The following NPHP4 variants were observed in gnomAD, a reference collection of about 807,000 sequenced individuals.
The protein encoded by NPHP4 is nephrocystin-4.
A neutral mutation model predicts 155.8 loss-of-function variants in NPHP4; 151 were observed. That is an observed-to-expected ratio of 0.97 (90% CI 0.85 to 1.11). NPHP4 has a LOEUF of 1.11. NPHP4 is among the 50% of genes least tolerant of loss of function. The pLI is 0.00. For missense variants in NPHP4, 1,956 were observed against 1,925.7 expected, an observed-to-expected ratio of 1.02 and a Z score of -0.29; for synonymous variants, 845 against 816.8, an observed-to-expected ratio of 1.03 and a Z score of -0.59.
intron 10 of NPHP4, among the ~76,000 whole-genome samples, chr1:5,931,341 T>C (rs561978705): frequency 1.3e-5 from 2 of 151,118 alleles, no homozygotes; most frequent in Non-Finnish European, 2.9e-5. Flanking sequence ...GGTTTCCCAG[T>C]GCATTTAAAA....
chr1:5,866,958 C>CCCT (rs1641294471), intron 25 of NPHP4, 72 bp downstream of exon 25: 9 of 1,157,524 alleles, frequency 7.8e-6, no homozygotes, highest in Admixed American at 1.9e-5. Context: ...CCAGGATACC[C>CCCT]GTGGGGAAGC....
chr1:5,987,211 C>G (rs1655622257), intron 1 of NPHP4, among the ~76,000 whole-genome samples: 1 of 152,104 alleles, frequency 6.6e-6, no homozygotes, highest in African/African-American at 2.4e-5. Flanking sequence ...TTATCTGATC[C>G]TGTCCAGCCA....
chr1:5,865,071 A>G, intron 27 of NPHP4, 31 bp downstream of exon 27: 1 of 1,602,698 alleles, frequency 6.2e-7, no homozygotes, highest in South Asian at 1.1e-5. Flanking sequence ...GGTTGGGGAG[A>G]GGCTCAGAAC....
intron 17 of NPHP4, 26 bp from the exon 18 acceptor site, chr1:5,887,492 A>T (rs1377345395): frequency 6.2e-7 from 1 of 1,609,736 alleles, no homozygotes; most frequent in Admixed American, 1.7e-5. Context: ...GCGCGTTCAG[A>T]GGCTGGAGCC....
At chr1:5,886,187 G>T (rs1643784883) in intron 18 of NPHP4, among the ~76,000 whole-genome samples, 1 of 152,212 alleles carries the variant, frequency 6.6e-6, no homozygotes, top group Non-Finnish European at 1.5e-5. Context: ...TTTGAATAAT[G>T]CCTGCTCCTC....
At chr1:5,880,748 G>T (rs1205448753) in intron 18 of NPHP4, 1 of 165,640 alleles carries the variant, frequency 6.0e-6, no homozygotes, top group Admixed American at 5.7e-5. Flanking sequence ...GTGGCCTCGG[G>T]ACAAGCGTGT....
chr1:5,881,945 G>A (rs1042006414), intron 18 of NPHP4: 6 of 152,392 alleles, frequency 3.9e-5, no homozygotes, highest in Middle Eastern at 6.8e-3. Context: ...GTCTGCGCAC[G>A]AGCACAAATG....
At chr1:5,961,977 CT>C in intron 5 of NPHP4, 28 bp from the exon 6 acceptor site, 1 of 1,573,852 alleles carries the variant, frequency 6.4e-7, no homozygotes, top group South Asian at 1.1e-5. Flanking sequence ...ATGTGATCAA[CT>C]GATAGCTGAA....
At chr1:5,967,173 T>C in intron 5 of NPHP4, 126 bp downstream of exon 5, 1 of 749,746 alleles carries the variant, frequency 1.3e-6, no homozygotes, top group Non-Finnish European at 2.2e-6. Flanking sequence ...CCAAAACCTC[T>C]TAGATAAATT....
rs753550090 is a variant in NPHP4, at chr1:5,909,239, A to G, written c.1442-26T>C. On this transcript the variant is annotated intron_variant, in intron 11 of 29. Transcript: ENST00000378156. Reference sequence around the variant, plus strand: ...CTGGGAGGAAGCACAGTGGGGTAGGAGAGGGAATGTGTCAGCCTGTGTTGG... The same window carrying G: ...CTGGGAGGAAGCACAGTGGGGTAGGGGAGGGAATGTGTCAGCCTGTGTTGG... The G allele has an allele frequency of 2.7e-5, 43 of 1,584,496 alleles. No homozygotes were observed. The South Asian group carries it at 4.0e-4, about 15-fold the overall frequency.
rs902906469 is a variant in NPHP4 at position 5,944,781 on chromosome 1, C to T, written c.1119+2323G>A. On this transcript the variant is annotated intron_variant, in intron 9 of 29. Coordinates refer to ENST00000378156, the MANE Select transcript of NPHP4 (RefSeq NM_015102.5). The surrounding 1 kb of genome is among the most constrained non-coding windows in gnomAD (Gnocchi z 4.3). ...GGTCAGAAGTCTGAGACCTGCCTGG[C>T]CAACGTGGGAAAACCCCGTCTCTAT... Among the ~76,000 whole-genome samples the T allele has an allele frequency of 2.6e-5, 4 of 152,156 alleles. No homozygotes were observed. The highest frequency in any genetic ancestry group is 5.9e-5 in the Non-Finnish European group (4 of 68,028).
intron 2 of NPHP4, among the ~76,000 whole-genome samples, chr1:5,979,823 T>C (rs878945498): frequency 1.3e-5 from 2 of 152,104 alleles, no homozygotes; most frequent in Admixed American, 1.3e-4. Context: ...CTGTATTTTC[T>C]AATTTTCTGT....
At chr1:5,942,141 G>A (rs748928693) in intron 9 of NPHP4, among the ~76,000 whole-genome samples, 1 of 152,138 alleles carries the variant, frequency 6.6e-6, no homozygotes, top group Admixed American at 6.5e-5. Context: ...ACTGCCCCTT[G>A]CTCACACGGA....
chr1:5,880,182 C>T lies in NPHP4; in HGVS notation c.2543G>A (p.Arg848Gln), dbSNP rs398124288. 130 of 1,613,694 alleles carry T rather than the reference C, an allele frequency of 8.1e-5. No individual in the cohort carries two copies. Among genetic ancestry groups the T allele is most frequent in the Admixed American group, 6.8e-4 (41 of 59,992 alleles). Residue 848 changes from arginine (R) to glutamine (Q), a missense_variant, in exon 19 of 30, where the codon CGG becomes CAG. Arg to Gln is a conservative substitution (Grantham distance 43). Coordinates refer to ENST00000378156, the MANE Select transcript of NPHP4 (RefSeq NM_015102.5). Reference sequence around the variant, plus strand: ...GCTGGCTCCATCGTTTGAGATGACCCGAGATCTGGACGGTGGCAATGTGCT... The same window carrying T: ...GCTGGCTCCATCGTTTGAGATGACCTGAGATCTGGACGGTGGCAATGTGCT... Reference protein sequence around the residue: ...GCSTLPPSRSRVISNDGASRF... With the variant: ...GCSTLPPSRSQVISNDGASRF...
At chr1:5,875,565 G>A (rs1642506540) in intron 20 of NPHP4, among the ~76,000 whole-genome samples, 1 of 152,254 alleles carries the variant, frequency 6.6e-6, no homozygotes, top group Non-Finnish European at 1.5e-5. Flanking sequence ...CACCGGGTCA[G>A]AGTCCAGGCA....
intron 18 of NPHP4, 185 bp from the exon 19 acceptor site, chr1:5,880,424 C>T (rs148254344): frequency 5.2e-5 from 31 of 592,568 alleles, no homozygotes; most frequent in Non-Finnish European, 7.1e-5. Context: ...CGTTCTGCTG[C>T]GAACTTTCAG....
chr1:5,960,804 C>G (rs1650177114), intron 6 of NPHP4, among the ~76,000 whole-genome samples: 1 of 152,010 alleles, frequency 6.6e-6, no homozygotes, highest in South Asian at 2.1e-4. Flanking sequence ...TGGGGTCGAC[C>G]CAATTCCACC....
chr1:5,877,297 T>C lies in NPHP4; in HGVS notation c.2613A>G (p.Arg871=). 6.3e-7 allele frequency: 1 copy of C among 1,590,440 alleles called. No individual in the cohort carries two copies. Among genetic ancestry groups the C allele is most frequent in the Non-Finnish European group, 8.6e-7 (1 of 1,162,284 alleles). ...GCTTCTGTGCTTGCACCACGTGTTT[T>C]CCTGCGAAAGGGTCAGAGCGCGAGT... is the stretch of plus-strand genomic sequence containing the variant. ...GSLLTTGSSR[R]KHVVQAQKLA... The change falls in exon 20 of 30, where the codon CGA becomes CGG. Residue 871 remains arginine, a splice_region_variant and synonymous_variant. Transcript: ENST00000378156.
intron 9 of NPHP4, among the ~76,000 whole-genome samples, chr1:5,936,335 A>G (rs1646536973): frequency 6.6e-6 from 1 of 152,222 alleles, no homozygotes; most frequent in African/African-American, 2.4e-5. Context: ...GCCAGCCCAC[A>G]GAGGGACCGG....
Sources: allele counts gnomAD v4.1 joint callset (sites outside exome capture counted in the v4.1 genomes callset), GRCh38; gene constraint gnomAD v4.1.1; non-coding constraint Gnocchi (gnomAD v3.1); transcripts MANE v1.5; gene names NCBI Gene and HGNC (gene_info 2026-07-23, HGNC 2026-07-21).